Variants in CIBAR1 observed in about 807,000 individuals in gnomAD.
CIBAR1 encodes the protein CBY1 interacting BAR domain containing 1, also known as CBY1-interacting BAR domain-containing protein 1.
Under a neutral mutation model 44.0 loss-of-function variants are expected in CIBAR1, and 25 were observed. That is an observed-to-expected ratio of 0.57 (90% CI 0.41 to 0.79). The LOEUF is 0.79. CIBAR1 is among the 30% of genes least tolerant of loss of function. CIBAR1 has a pLI of 0.00. For missense variants in CIBAR1, 278 were observed against 344.8 expected, an observed-to-expected ratio of 0.81 and a Z score of 1.53; for synonymous variants, 115 against 119.0, an observed-to-expected ratio of 0.97 and a Z score of 0.22.
chr8:93,722,917 T>C (rs1413962610), intron 7 of CIBAR1, among the ~76,000 whole-genome samples: 1 of 152,250 alleles, frequency 6.6e-6, no homozygotes, highest in Non-Finnish European at 1.5e-5. Flanking sequence ...AAATTCCATC[T>C]TTGCTAGAAA....
chr8:93,728,465 T>C lies in CIBAR1; in HGVS notation c.*168T>C, dbSNP rs1586303337. 1.6e-5 allele frequency: 8 copies of C among 492,022 alleles called. No individual in the cohort carries two copies. Among genetic ancestry groups the C allele is most frequent in the South Asian group, 1.5e-4 (4 of 27,352 alleles). 30.5% of individuals were successfully genotyped at this position (492,022 alleles called of 1,614,324 possible). A position where few individuals can be genotyped will look rare whatever the true frequency, so the allele number is the denominator to read the frequency against. ...CCAAAAATGAAGGCTTTAAAAAATA[T>C]TGCATACCAGTCATTTCAACATCCT... is the stretch of plus-strand genomic sequence containing the variant. On this transcript the variant is annotated 3_prime_UTR_variant, in exon 9 of 9. Transcript: ENST00000518322.
intron 6 of CIBAR1, among the ~76,000 whole-genome samples, chr8:93,710,390 A>G (rs868545224): frequency 1.8e-4 from 28 of 152,314 alleles, no homozygotes; most frequent in African/African-American, 6.7e-4. Context: ...TAAAAGACCA[A>G]CATTTCCAAC....
chr8:93,728,318 T>C lies in CIBAR1; in HGVS notation c.*21T>C. ...AGTAAACTACACATTTCCATTTTCA[T>C]CATAAATGACTTGAAATCCACAATG... On this transcript the variant is annotated 3_prime_UTR_variant, in exon 9 of 9. Transcript: ENST00000518322. 1 of 1,462,982 alleles carries C rather than the reference T, an allele frequency of 6.8e-7. No individual in the cohort carries two copies. The highest frequency in any genetic ancestry group is 9.4e-7 in the Non-Finnish European group (1 of 1,064,160). 90.6% of individuals were successfully genotyped at this position (1,462,982 alleles called of 1,614,324 possible).
chr8:93,721,189 A>G (rs2130365509), intron 7 of CIBAR1: 1 of 152,302 alleles, frequency 6.6e-6, no homozygotes, highest in Admixed American at 6.5e-5. Context: ...ATGGTTCTTG[A>G]TGAGTGGCAT....
chr8:93,711,335 T>A (rs1810816138), intron 6 of CIBAR1, among the ~76,000 whole-genome samples: 1 of 152,238 alleles, frequency 6.6e-6, no homozygotes, highest in South Asian at 2.1e-4. Context: ...AAAATAAGCA[T>A]TATCTGCCAC....
intron 6 of CIBAR1, among the ~76,000 whole-genome samples, chr8:93,711,646 C>A (rs1367398510): frequency 1.3e-5 from 2 of 152,140 alleles, no homozygotes; most frequent in Non-Finnish European, 2.9e-5. Flanking sequence ...TAGCCTTAAC[C>A]TGAAAAATGG....
At chr8:93,705,448 A>T (rs1295904104) in intron 4 of CIBAR1, 1 of 161,034 alleles carries the variant, frequency 6.2e-6, no homozygotes, top group Non-Finnish European at 1.3e-5. Flanking sequence ...ATGTGACATC[A>T]TGACTTCCAG....
chr8:93,701,013 C>T, intron 1 of CIBAR1: 1 of 1,423,076 alleles, frequency 7.0e-7, no homozygotes, highest in Non-Finnish European at 9.1e-7. Flanking sequence ...GCCAGGCCCA[C>T]CCGGCCTGGG....
rs758787596 is a variant in CIBAR1, at chr8:93,701,362, T to A, written c.165T>A (p.Ile55=). The A allele has an allele frequency of 6.2e-7, 1 of 1,613,608 alleles. No individual in the cohort carries two copies. Among genetic ancestry groups the A allele is most frequent in the Non-Finnish European group, 8.5e-7 (1 of 1,179,874 alleles). ...AAGCAGACCTCCTGGTGAATGAAAT[T>A]AACGCGTATGCTGCTACAGAGACCC... ...RDKADLLVNE[I]NAYAATETPH... The change falls in exon 2 of 9, where the codon ATT becomes ATA. Residue 55 remains isoleucine, a synonymous_variant. Coordinates refer to ENST00000518322, the MANE Select transcript of CIBAR1 (RefSeq NM_145269.5).
At chr8:93,706,806 A>G (rs909478216) in intron 4 of CIBAR1, among the ~76,000 whole-genome samples, 1 of 152,232 alleles carries the variant, frequency 6.6e-6, no homozygotes, top group Non-Finnish European at 1.5e-5. Flanking sequence ...AGACCAAAAC[A>G]TGAAGGACAA....
intron 7 of CIBAR1, among the ~76,000 whole-genome samples, chr8:93,725,028 A>G (rs1407050279): frequency 2.0e-5 from 3 of 152,098 alleles, no homozygotes; most frequent in Admixed American, 6.5e-5. Context: ...CCCAGGATGG[A>G]GTGCAGTGGC....
intron 8 of CIBAR1, 37 bp from the exon 9 acceptor site, chr8:93,728,168 G>T (rs775490509): frequency 2.2e-6 from 3 of 1,340,044 alleles, no homozygotes; most frequent in African/African-American, 3.1e-5. Context: ...TTTTAAGTTA[G>T]TATTTTTATT....
chr8:93,701,584 C>A, intron 2 of CIBAR1, 126 bp downstream of exon 2: 2 of 756,226 alleles, frequency 2.6e-6, no homozygotes, highest in Non-Finnish European at 2.2e-6. Flanking sequence ...ATAAAACGTA[C>A]ATTTTCATAA....
Position 93,729,260 on chromosome 8 carries a change from C to T in CIBAR1, c.*963C>T, listed in dbSNP as rs1811690345. 1 of 152,062 alleles carries T rather than the reference C, an allele frequency of 6.6e-6. No individual in the cohort carries two copies. The highest frequency in any genetic ancestry group is 2.4e-5 in the African/African-American group (1 of 41,414). 9.4% of individuals were successfully genotyped at this position (152,062 alleles called of 1,614,324 possible). A position where few individuals can be genotyped will look rare whatever the true frequency, so the allele number is the denominator to read the frequency against. ...CTTTCTAGAAAGCTTCTGACTTTGT[C>T]AATCATGGCTCTGTTCTTAACAAAG... On this transcript the variant is annotated 3_prime_UTR_variant, in exon 9 of 9. Transcript: ENST00000518322.
intron 4 of CIBAR1, chr8:93,706,212 T>A (rs1810575190): frequency 6.6e-6 from 1 of 152,228 alleles, no homozygotes; most frequent in African/African-American, 2.4e-5. Context: ...GAAGCCCAAC[T>A]TTGTACTAAA....
chr8:93,729,461 A>G lies in CIBAR1; in HGVS notation c.*1164A>G, dbSNP rs1282710407. ...TGGTTGTACTTCGGGGGAAAACAAC[A>G]GAGTTATTATTTTGCTGCTTACTAA... On this transcript the variant is annotated 3_prime_UTR_variant, in exon 9 of 9. Transcript: ENST00000518322. 1 of 152,276 alleles carries G rather than the reference A, an allele frequency of 6.6e-6. No individual in the cohort carries two copies. The highest frequency in any genetic ancestry group is 6.5e-5 in the Admixed American group (1 of 15,298). 9.4% of individuals were successfully genotyped at this position (152,276 alleles called of 1,614,324 possible). A position where few individuals can be genotyped will look rare whatever the true frequency, so the allele number is the denominator to read the frequency against.
At chr8:93,704,717 G>T (rs1810511162) in intron 3 of CIBAR1, among the ~76,000 whole-genome samples, 192 bp from the exon 4 acceptor site, 1 of 152,122 alleles carries the variant, frequency 6.6e-6, no homozygotes, top group Admixed American at 6.5e-5. Context: ...TATTTTGAGA[G>T]AATATTAAAC....
chr8:93,708,806 T>C (rs949720007), intron 5 of CIBAR1, among the ~76,000 whole-genome samples: 23 of 152,002 alleles, frequency 1.5e-4, no homozygotes, highest in African/African-American at 5.3e-4. Flanking sequence ...AAAGAAAGAG[T>C]CTTTGGTTAT....
In CIBAR1 at chr8:93,701,307, A is replaced by G. The variant is rs762818719; in HGVS notation, c.110A>G (p.Tyr37Cys). The G allele has an allele frequency of 5.6e-6, 9 of 1,613,856 alleles. No individual in the cohort carries two copies. Among genetic ancestry groups the G allele is most frequent in the East Asian group, 2.2e-5 (1 of 44,878 alleles). ...FGELCQIFAA[Y>C]VRKTARLRDK... ...GAACTGTGCCAAATCTTCGCTGCCT[A>G]TGTGCGGAAAACTGCCAGGCTGAGA... Residue 37 changes from tyrosine (Y) to cysteine (C), a missense_variant, in exon 2 of 9, where the codon TAT becomes TGT. By Grantham distance (194) the Tyr-to-Cys change is radical. Around this residue, in one of 3 missense-constraint regions of CIBAR1, gnomAD observed 183 missense variants for 218.6 expected, o/e 0.84. Transcript: ENST00000518322.
Sources: allele counts gnomAD v4.1 joint callset (sites outside exome capture counted in the v4.1 genomes callset), GRCh38; gene constraint gnomAD v4.1.1; regional missense constraint gnomAD v4.1.1; transcripts MANE v1.5; gene names NCBI Gene and HGNC (gene_info 2026-07-23, HGNC 2026-07-21).